The following COPS7B variants were observed in gnomAD, a reference collection of about 807,000 sequenced individuals.
The protein encoded by COPS7B is COP9 signalosome complex subunit 7b.
COPS7B carries 9 observed loss-of-function variants against 33.4 expected under a neutral mutation model. The observed-to-expected ratio is 0.27, with a 90% confidence interval of 0.16 to 0.47. The LOEUF is 0.47. Ranked by LOEUF, COPS7B falls within the 20% of genes least tolerant of loss-of-function variation. COPS7B has a pLI of 0.99. For missense variants in COPS7B, 242 were observed against 318.2 expected, an observed-to-expected ratio of 0.76 and a Z score of 1.82; for synonymous variants, 119 against 126.3, an observed-to-expected ratio of 0.94 and a Z score of 0.39.
chr2:231,790,516 T>A (rs761287608), intron 2 of COPS7B: 13 of 152,158 alleles, frequency 8.5e-5, no homozygotes, highest in Non-Finnish European at 1.9e-4. Context: ...CACCTTTATC[T>A]CCCCATACAT....
chr2:231,783,355 CA>C (rs1182187793), upstream of COPS7B, among the ~76,000 whole-genome samples: 1 of 152,096 alleles, frequency 6.6e-6, no homozygotes, highest in Admixed American at 6.5e-5. Context: ...GCCAGTTTTT[CA>C]AAATGATTGT....
Position 231,807,527 on chromosome 2 carries a change from C to T in COPS7B, c.677C>T (p.Ser226Phe). The T allele has an allele frequency of 6.2e-7, 1 of 1,613,846 alleles. No homozygotes were observed. Among genetic ancestry groups the T allele is most frequent in the Non-Finnish European group, 8.5e-7 (1 of 1,179,916 alleles). Residue 226 changes from serine (S) to phenylalanine (F), a missense_variant, in exon 7 of 7, where the codon TCC becomes TTC. Physicochemically the swap from Ser to Phe is radical, Grantham distance 155 (BLOSUM62 -2). Coordinates refer to ENST00000350033, the MANE Select transcript of COPS7B (RefSeq NM_022730.4). ...IKKTLKATASSSAQEMEQQLA... is the reference protein window; with the variant it reads ...IKKTLKATASFSAQEMEQQLA... ...AAGACACTCAAAGCCACCGCATCCT[C>T]CTCGGCTCAGGAGATGGAGCAGCAG...
upstream of COPS7B, among the ~76,000 whole-genome samples, chr2:231,783,318 T>C (rs912587203): frequency 3.9e-5 from 6 of 152,232 alleles, no homozygotes; most frequent in South Asian, 6.2e-4. Flanking sequence ...AGGGAGGGTA[T>C]GCACATGATC....
chr2:231,785,627 A>G (rs1323700999), upstream of COPS7B, among the ~76,000 whole-genome samples: 2 of 152,210 alleles, frequency 1.3e-5, no homozygotes, highest in African/African-American at 2.4e-5. Flanking sequence ...GAGTTGGTTG[A>G]TGCTAGGCTC....
In COPS7B at chr2:231,808,681, T is replaced by G. The variant is rs1292725839; in HGVS notation, c.*1036T>G. The G allele has an allele frequency of 9.3e-6, 3 of 320,886 alleles. No homozygotes were observed. Among genetic ancestry groups the G allele is most frequent in the Non-Finnish European group, 1.9e-5 (3 of 160,632 alleles). The allele number at this position is 320,886 out of a possible 1,614,324, so 19.9% of individuals were successfully genotyped here. On this transcript the variant is annotated 3_prime_UTR_variant, in exon 7 of 7. Transcript: ENST00000350033. ...GGTTATATTTTAATTTTTTTTTTTT[T>G]GTACAGGTTCTGATTCTAATACATT...
chr2:231,803,940 C>T (rs2049820634), intron 6 of COPS7B, among the ~76,000 whole-genome samples: 1 of 152,180 alleles, frequency 6.6e-6, no homozygotes, highest in Non-Finnish European at 1.5e-5. Flanking sequence ...GGATGTGCCA[C>T]AGGCAGAGTT....
rs2049978542 is a variant in COPS7B, at chr2:231,809,032, T to A, written c.*1387T>A. On this transcript the variant is annotated 3_prime_UTR_variant, in exon 7 of 7. Coordinates refer to ENST00000350033, the MANE Select transcript of COPS7B (RefSeq NM_022730.4). ...CCCATGTTTAGCCATGGTCAAAAAA[T>A]GGATTTCTCCTTTTTCTAAAATGTC... The A allele has an allele frequency of 6.6e-6, 1 of 152,356 alleles. No homozygotes were observed. Among genetic ancestry groups the A allele is most frequent in the Non-Finnish European group, 1.5e-5 (1 of 68,212 alleles). The allele number at this position is 152,356 out of a possible 1,614,324, so 9.4% of individuals were successfully genotyped here.
intron 6 of COPS7B, among the ~76,000 whole-genome samples, chr2:231,804,156 A>G (rs889128296): frequency 6.6e-6 from 1 of 152,202 alleles, no homozygotes; most frequent in South Asian, 2.1e-4. Flanking sequence ...GGATTGATTA[A>G]TGCCTTTTCC....
chr2:231,801,402 C>A, intron 6 of COPS7B: 2 of 606,538 alleles, frequency 3.3e-6, no homozygotes, highest in Non-Finnish European at 4.1e-6. Context: ...ATACTTAGAG[C>A]ATTACAAAGC....
chr2:231,804,840 A>G (rs1234607576), intron 6 of COPS7B, among the ~76,000 whole-genome samples: 3 of 152,206 alleles, frequency 2.0e-5, no homozygotes, highest in Non-Finnish European at 1.5e-5. Context: ...GTTAAATTGC[A>G]GGATCTTCTT....
intron 6 of COPS7B, chr2:231,801,174 C>T: frequency 6.4e-7 from 1 of 1,550,480 alleles, no homozygotes. Flanking sequence ...CGTGATGTCC[C>T]CCTCCTGAAT....
At chr2:231,803,357 G>A (rs1366460877) in intron 6 of COPS7B, among the ~76,000 whole-genome samples, 1 of 152,190 alleles carries the variant, frequency 6.6e-6, no homozygotes, top group Non-Finnish European at 1.5e-5. Context: ...TGGGGGACGA[G>A]TGTGGCTGAG....
intron 6 of COPS7B, 30 bp from the exon 7 acceptor site, chr2:231,807,457 G>A (rs748584348): frequency 1.3e-6 from 2 of 1,593,306 alleles, no homozygotes; most frequent in South Asian, 2.3e-5. Context: ...CATACAGGCT[G>A]AGCACTCCAA....
intron 6 of COPS7B, among the ~76,000 whole-genome samples, chr2:231,804,766 G>T (rs1184265182): frequency 6.6e-6 from 1 of 152,096 alleles, no homozygotes; most frequent in Admixed American, 6.5e-5. Flanking sequence ...GTTTTCTAAT[G>T]TCTTATTTGA....
At chr2:231,781,704 C>T, upstream of COPS7B, 1 of 783,784 alleles carries the variant, frequency 1.3e-6, no homozygotes, top group Non-Finnish European at 2.1e-6. Flanking sequence ...TCCTCTGTAA[C>T]TTAGACTCCA....
At chr2:231,799,755 G>T (rs2106335140) in intron 6 of COPS7B, among the ~76,000 whole-genome samples, 1 of 152,182 alleles carries the variant, frequency 6.6e-6, no homozygotes, top group East Asian at 1.9e-4. Flanking sequence ...GATGCTTAAT[G>T]AATTTTGAAA....
At chr2:231,793,911 G>T (rs973006685) in intron 3 of COPS7B, 3 of 175,572 alleles carry the variant, frequency 1.7e-5, no homozygotes, top group Non-Finnish European at 3.6e-5. Context: ...GTTCATCCTT[G>T]ATTCTTCTCA....
At chr2:231,796,890 T>C (rs2049587882) in intron 5 of COPS7B, among the ~76,000 whole-genome samples, 1 of 152,250 alleles carries the variant, frequency 6.6e-6, no homozygotes, top group Admixed American at 6.5e-5. Flanking sequence ...AACTATACTC[T>C]GGTATATAAA....
At chr2:231,781,880 C>T, upstream of COPS7B, 1 of 1,550,602 alleles carries the variant, frequency 6.4e-7, no homozygotes, top group Non-Finnish European at 8.7e-7. Flanking sequence ...ATCTGCAAAT[C>T]ATGGTAAGGC....
Sources: allele counts gnomAD v4.1 joint callset (sites outside exome capture counted in the v4.1 genomes callset), GRCh38; gene constraint gnomAD v4.1.1; transcripts MANE v1.5; gene names NCBI Gene and HGNC (gene_info 2026-07-23, HGNC 2026-07-21).